The following TARS3 variants were observed in gnomAD, a reference collection of about 807,000 sequenced individuals.
TARS3 encodes the protein threonyl-tRNA synthetase 3, also known as threonine--tRNA ligase 2, cytoplasmic.
A neutral mutation model predicts 103.5 loss-of-function variants in TARS3; 94 were observed. The ratio of observed to expected loss-of-function variants is 0.91; its 90% CI spans 0.77 to 1.08. The LOEUF (loss-of-function observed/expected upper bound fraction) is 1.08, where lower values mean the gene tolerates loss of function less well. Ranked by LOEUF, TARS3 falls within the 50% of genes least tolerant of loss-of-function variation. TARS3 has a pLI of 0.00. For missense variants in TARS3, 952 were observed against 995.2 expected (o/e 0.96, Z 0.58); for synonymous variants, 416 against 355.4 (o/e 1.17, Z -1.92).
intron 10 of TARS3, among the ~76,000 whole-genome samples, chr15:101,688,475 T>C (rs1898569288): frequency 6.6e-6 from 1 of 152,140 alleles, no homozygotes; most frequent in Admixed American, 6.5e-5. Context: ...GAAATACCAG[T>C]TTAGGTTATT....
At chr15:101,712,055 T>G (rs1053552418) in intron 4 of TARS3, 54 bp from the exon 5 acceptor site, 17 of 1,556,936 alleles carry the variant, frequency 1.1e-5, no homozygotes, top group Non-Finnish European at 1.5e-5. Flanking sequence ...TCATGGAAAA[T>G]TAGTAGTAAA....
intron 6 of TARS3, among the ~76,000 whole-genome samples, chr15:101,708,069 C>A (rs974408865): frequency 1.3e-5 from 2 of 151,846 alleles, no homozygotes; most frequent in African/African-American, 4.8e-5. Flanking sequence ...CATGGCAAAA[C>A]TTTGTCTCTA....
At chr15:101,695,256 C>A (rs1596310898) in intron 10 of TARS3, among the ~76,000 whole-genome samples, 1 of 152,140 alleles carries the variant, frequency 6.6e-6, no homozygotes, top group African/African-American at 2.4e-5. Flanking sequence ...CCTCCTGACC[C>A]CCTGGAGTCA....
At chr15:101,682,396 T>A (rs1392364218) in intron 12 of TARS3, among the ~76,000 whole-genome samples, 1 of 152,146 alleles carries the variant, frequency 6.6e-6, no homozygotes, top group Non-Finnish European at 1.5e-5. Flanking sequence ...ATGCTTTTTG[T>A]CTTTTTGTTT....
intron 3 of TARS3, among the ~76,000 whole-genome samples, chr15:101,719,777 A>C (rs1900353335): frequency 6.6e-6 from 1 of 152,202 alleles, no homozygotes; most frequent in African/African-American, 2.4e-5. Context: ...GCAGATCAAC[A>C]AGATGGGAGG....
At chr15:101,658,980 C>T (rs145104606) in intron 16 of TARS3, among the ~76,000 whole-genome samples, 1,941 of 152,160 alleles carry the variant, frequency 0.013, 17 homozygotes, top group Non-Finnish European at 0.019. Context: ...TCAGTAGAGA[C>T]GGGGTTTCAC....
intron 15 of TARS3, among the ~76,000 whole-genome samples, chr15:101,663,148 G>A (rs1369824026): frequency 6.6e-6 from 1 of 152,160 alleles, no homozygotes; most frequent in Non-Finnish European, 1.5e-5. Flanking sequence ...ACAATGGACT[G>A]CAGATATGAT....
chr15:101,674,757 A>G (rs1195408815), intron 13 of TARS3, among the ~76,000 whole-genome samples: 2 of 151,662 alleles, frequency 1.3e-5, no homozygotes, highest in Admixed American at 6.6e-5. Flanking sequence ...GTGAGCTGAG[A>G]TCGCGCCACT....
chr15:101,706,723 C>T (rs768075381), intron 6 of TARS3, among the ~76,000 whole-genome samples: 10 of 152,048 alleles, frequency 6.6e-5, no homozygotes, highest in Non-Finnish European at 1.2e-4. Flanking sequence ...TCACTACTAT[C>T]GGGGTATACA....
At chr15:101,715,004 G>A in intron 3 of TARS3, 41 bp from the exon 4 acceptor site, 1 of 1,552,396 alleles carries the variant, frequency 6.4e-7, no homozygotes. Context: ...CTTTATCACT[G>A]TTACAATGAT....
intron 16 of TARS3, among the ~76,000 whole-genome samples, chr15:101,661,145 A>G (rs76810315): frequency 0.017 from 1,689 of 99,426 alleles, 73 homozygotes; most frequent in African/African-American, 0.037. Context: ...CACTCAAAAA[A>G]GACCACAAGA....
chr15:101,660,896 C>T (rs1298909191), intron 16 of TARS3, among the ~76,000 whole-genome samples: 2 of 152,300 alleles, frequency 1.3e-5, no homozygotes, highest in East Asian at 1.9e-4. Context: ...TCCTCAACAG[C>T]GGGGGCCTTT....
chr15:101,660,129 C>CTA (rs1897322267), intron 16 of TARS3, among the ~76,000 whole-genome samples: 1 of 152,212 alleles, frequency 6.6e-6, no homozygotes, highest in South Asian at 2.1e-4. Flanking sequence ...TGCAGTGACC[C>CTA]TAGCAGTATC....
At chr15:101,663,518 T>C (rs1171261090) in intron 15 of TARS3, among the ~76,000 whole-genome samples, 2 of 152,260 alleles carry the variant, frequency 1.3e-5, no homozygotes, top group Non-Finnish European at 2.9e-5. Context: ...ATCCCTGTCA[T>C]GACTACATTT....
intron 15 of TARS3, chr15:101,664,550 A>T (rs1055889247): frequency 6.6e-6 from 1 of 152,180 alleles, no homozygotes; most frequent in Admixed American, 6.5e-5. Context: ...ATCACTATAA[A>T]GGCTTCGATA....
rs139414116 is a variant in TARS3, at chr15:101,658,396, G to GAA, written c.2073-541_2073-540dup. Among the ~76,000 whole-genome samples the GAA allele has an allele frequency of 3.8e-3, 530 of 138,402 alleles. 20 individuals are homozygous for GAA. The East Asian group carries it at 0.1, about 26-fold the overall frequency. The allele number at this position is 138,402 out of a possible 152,430, so 90.8% of individuals were successfully genotyped here. On this transcript the variant is annotated intron_variant, in intron 16 of 18. Transcript: ENST00000335968. ...GGCTCTTAAGGGAATTCCACTGAGT[G>GAA]AAAAAAAAAAAGCCTACTTCAAAAG... is the stretch of plus-strand genomic sequence containing the variant.
intron 16 of TARS3, 126 bp downstream of exon 16, chr15:101,661,586 T>C (rs1157926046): frequency 3.4e-6 from 2 of 582,866 alleles, no homozygotes; most frequent in Non-Finnish European, 5.8e-6. Flanking sequence ...TTTCTTTTGT[T>C]ACTACTTTTT....
chr15:101,682,253 G>C lies in TARS3; in HGVS notation c.1650+1822C>G, dbSNP rs574202740. ...ACTCTCACTATTAAGTATGAGGTTA[G>C]CTGTAGGTTTTTCATAGAGGCCTTT... On this transcript the variant is annotated intron_variant, in intron 12 of 18. Transcript: ENST00000335968. 3.9e-5 allele frequency among the ~76,000 whole-genome samples: 6 copies of C among 152,254 alleles called. No homozygotes were observed. The East Asian group carries it at 1.2e-3, about 29-fold the overall frequency.
At chr15:101,668,631 T>TA (rs1014403775) in intron 15 of TARS3, among the ~76,000 whole-genome samples, 5 of 152,166 alleles carry the variant, frequency 3.3e-5, no homozygotes, top group Admixed American at 3.3e-4. Context: ...CTTCAGTTTA[T>TA]AAAAAATGCA....
Sources: gnomAD v4.1 joint callset for allele counts (sites outside exome capture counted in the v4.1 genomes callset) on GRCh38, gnomAD v4.1.1 for gene constraint, MANE v1.5 for transcripts, NCBI Gene and HGNC (gene_info 2026-07-23, HGNC 2026-07-21) for gene names.